Variants in SIK2 observed in about 807,000 individuals in gnomAD.
The protein encoded by SIK2 is serine/threonine-protein kinase SIK2.
SIK2 carries 29 observed loss-of-function variants against 103.2 expected under a neutral mutation model. The observed-to-expected ratio is 0.28, with a 90% CI of 0.21 to 0.38. SIK2 has a LOEUF of 0.38. Ranked by LOEUF, SIK2 falls within the 10% of genes least tolerant of loss-of-function variation. The pLI, the probability that SIK2 is intolerant of heterozygous loss-of-function variation, is 1.00. For synonymous variants in SIK2, 412 were observed against 446.1 expected (o/e 0.92, Z 0.96); for missense variants, 879 against 1,171.0 (o/e 0.75, Z 3.64).
At chr11:111,661,079 A>G (rs1453796771) in intron 3 of SIK2, among the ~76,000 whole-genome samples, 5 of 152,076 alleles carry the variant, frequency 3.3e-5, no homozygotes, top group African/African-American at 1.2e-4. Flanking sequence ...GAGTTTGTGC[A>G]TACCAGTCGA....
chr11:111,685,732 C>T (rs899968571), intron 3 of SIK2, among the ~76,000 whole-genome samples: 3 of 152,078 alleles, frequency 2.0e-5, no homozygotes, highest in Admixed American at 6.6e-5. Context: ...CATCTGTAGT[C>T]CCAGCTGCTC....
chr11:111,614,876 C>G (rs539881575), intron 1 of SIK2, among the ~76,000 whole-genome samples: 20 of 152,148 alleles, frequency 1.3e-4, no homozygotes, highest in Non-Finnish European at 2.6e-4. Flanking sequence ...CAGTGGCTCA[C>G]GCCTGAAATC....
intron 3 of SIK2, among the ~76,000 whole-genome samples, chr11:111,682,713 G>A (rs778876426): frequency 6.6e-6 from 1 of 152,200 alleles, no homozygotes; most frequent in East Asian, 1.9e-4. Flanking sequence ...ATGATTTTAT[G>A]TATGTACAAA....
chr11:111,661,083 C>T (rs1170582874), intron 3 of SIK2, among the ~76,000 whole-genome samples: 6 of 151,858 alleles, frequency 4.0e-5, no homozygotes, highest in African/African-American at 1.5e-4. Context: ...TTGTGCATAC[C>T]AGTCGAGATG....
rs1555024123 is a variant in SIK2 at position 111,612,948 on chromosome 11, T to TATATATATATATA, written c.136-3295_136-3294insATATATATATATA. Among the ~76,000 whole-genome samples the TATATATATATATA allele has an allele frequency of 2.3e-4, 22 of 95,704 alleles. 1 individual carries two copies. The highest frequency in any genetic ancestry group is 7.1e-4 in the African/African-American group (15 of 21,102). 62.8% of individuals were successfully genotyped at this position (95,704 alleles called of 152,430 possible). A position where few individuals can be genotyped will look rare whatever the true frequency, so the allele number is the denominator to read the frequency against. On this transcript the variant is annotated intron_variant, in intron 1 of 14. Transcript: ENST00000304987. ...TATATATATATATATATATATATAT[T>TATATATATATATA]TATGATCATAGGATCATAGATGGAT...
chr11:111,670,023 GTCTTT>G (rs749117065), intron 3 of SIK2, among the ~76,000 whole-genome samples: 19 of 152,252 alleles, frequency 1.2e-4, no homozygotes, highest in East Asian at 1.2e-3. Context: ...TTAAATATTT[GTCTTT>G]TCTTTATGCT....
chr11:111,677,586 ATTTTTT>A (rs11384906), intron 3 of SIK2, among the ~76,000 whole-genome samples: 1 of 110,940 alleles, frequency 9.0e-6, no homozygotes, highest in Non-Finnish European at 1.7e-5. Context: ...CCCAGCTAAA[ATTTTTT>A]TTTTTTTTTT....
intron 3 of SIK2, among the ~76,000 whole-genome samples, chr11:111,662,892 C>A (rs1942485952): frequency 6.6e-6 from 1 of 150,628 alleles, no homozygotes; most frequent in African/African-American, 2.4e-5. Context: ...TACAATAAAA[C>A]AAAATATTTT....
chr11:111,698,812 T>G (rs1325062667), intron 4 of SIK2, among the ~76,000 whole-genome samples: 1 of 152,242 alleles, frequency 6.6e-6, no homozygotes, highest in East Asian at 1.9e-4. Context: ...TGGTTTAAAG[T>G]GCAGCAATTA....
rs541423977 is a variant in SIK2, at chr11:111,714,692, G to A, written c.1266+2317G>A. Among the ~76,000 whole-genome samples the A allele has an allele frequency of 8.5e-5, 13 of 152,282 alleles. 4 individuals are homozygous for A. The highest frequency in any genetic ancestry group is 2.6e-4 in the African/African-American group (11 of 41,556). On this transcript the variant is annotated intron_variant, in intron 9 of 14. Coordinates refer to ENST00000304987, the MANE Select transcript of SIK2 (RefSeq NM_015191.3). ...TCAGAAATGGAGAACTAAAGGCAGG[G>A]CAGATTCAAGAAGGCCGACCATGAG...
In SIK2 at chr11:111,720,794, C is replaced by G. The variant is rs1410276231; in HGVS notation, c.1780+32C>G. 3 of 1,569,140 alleles carry G rather than the reference C, an allele frequency of 1.9e-6. No homozygotes were observed. In the African/African-American group the frequency reaches 4.1e-5, roughly 21 times the overall value. ...ACTTCCTCCTCTGCTTTTTGAAACT[C>G]GCGTCGTAGGAGAGCAGTTTCTTGC... On this transcript the variant is annotated intron_variant, in intron 11 of 14. Coordinates refer to ENST00000304987, the MANE Select transcript of SIK2 (RefSeq NM_015191.3).
chr11:111,635,602 A>C (rs1470396046), intron 3 of SIK2, among the ~76,000 whole-genome samples: 1 of 152,264 alleles, frequency 6.6e-6, no homozygotes, highest in Non-Finnish European at 1.5e-5. Flanking sequence ...TAAGTTTTTC[A>C]ACATGGATTT....
intron 1 of SIK2, among the ~76,000 whole-genome samples, chr11:111,614,914 G>A (rs985659996): frequency 2.6e-5 from 4 of 152,188 alleles, no homozygotes; most frequent in African/African-American, 7.2e-5. Context: ...CGAGGTGGGC[G>A]GATCACCTGA....
At chr11:111,689,966 TTGTG>T (rs1017158440) in intron 4 of SIK2, among the ~76,000 whole-genome samples, 7 of 143,168 alleles carry the variant, frequency 4.9e-5, no homozygotes, top group Non-Finnish European at 7.5e-5. Flanking sequence ...TTATATTCAT[TTGTG>T]TGTGTGTGTA....
chr11:111,618,112 A>T (rs1485102661), intron 2 of SIK2, among the ~76,000 whole-genome samples: 1 of 152,084 alleles, frequency 6.6e-6, no homozygotes, highest in Non-Finnish European at 1.5e-5. Context: ...GAAGGCAATT[A>T]TTCTACCTCA....
At position 111,727,201 on chromosome 11, in the gene SIK2, C is replaced by G. The variant is rs1944000978; in HGVS notation, c.*3072C>G. On this transcript the variant is annotated 3_prime_UTR_variant, in exon 15 of 15. Transcript: ENST00000304987. The stretch of plus-strand genomic sequence containing the variant: ...CCGTGGGAAAAGGAGGCTGATGGTT[C>G]TCTACACCATCCACCTTGAGAATCC... 5 of 680,428 alleles carry G rather than the reference C, an allele frequency of 7.3e-6. No homozygotes were observed. The highest frequency in any genetic ancestry group is 1.3e-5 in the Non-Finnish European group (5 of 385,740). 42.1% of individuals were successfully genotyped at this position (680,428 alleles called of 1,614,324 possible).
intron 3 of SIK2, among the ~76,000 whole-genome samples, chr11:111,657,747 G>A (rs1591603717): frequency 6.6e-6 from 1 of 152,136 alleles, no homozygotes; most frequent in African/African-American, 2.4e-5. Context: ...GTGGGGGGAG[G>A]TGGGGAGTAA....
At chr11:111,634,864 A>G (rs576937816) in intron 3 of SIK2, among the ~76,000 whole-genome samples, 2 of 152,326 alleles carry the variant, frequency 1.3e-5, no homozygotes, top group Admixed American at 1.3e-4. Context: ...TTTGCTTCAC[A>G]TGTGTGAGGA....
At chr11:111,657,563 T>A (rs978677023) in intron 3 of SIK2, among the ~76,000 whole-genome samples, 1 of 151,900 alleles carries the variant, frequency 6.6e-6, no homozygotes, top group Non-Finnish European at 1.5e-5. Flanking sequence ...CTAATTTTTT[T>A]ATTTTTTGTA....
Sources: allele counts gnomAD v4.1 joint callset (sites outside exome capture counted in the v4.1 genomes callset), GRCh38; gene constraint gnomAD v4.1.1; transcripts MANE v1.5; gene names NCBI Gene and HGNC (gene_info 2026-07-23, HGNC 2026-07-21).